The following SPDYE12 variants were observed in gnomAD, a reference collection of about 807,000 sequenced individuals.
The protein encoded by SPDYE12 is speedy/RINGO cell cycle regulator family member E12.
chr7:74,910,526 C>T, the SPDYE12 span, among the ~76,000 whole-genome samples: 1 of 147,110 alleles, frequency 6.8e-6, no homozygotes, highest in African/African-American at 2.5e-5. Flanking sequence ...CCCGTCTCTA[C>T]TAAAAACACA....
At chr7:74,910,966 G>A in the SPDYE12 span, 2 of 972,896 alleles carry the variant, frequency 2.1e-6, no homozygotes, top group East Asian at 2.8e-5. Context: ...GGGCAGTGAG[G>A]AGAAGTGTGC....
chr7:74,914,935 A>C, the SPDYE12 span, among the ~76,000 whole-genome samples: 11 of 94,384 alleles, frequency 1.2e-4, no homozygotes, highest in African/African-American at 3.0e-4. Flanking sequence ...AAAAAAAAAA[A>C]CAAAAAAAAA....
the SPDYE12 span, chr7:74,909,673 A>G: frequency 9.0e-6 from 14 of 1,563,968 alleles, 1 homozygote; most frequent in East Asian, 1.6e-4. Context: ...TTGTGGAGAT[A>G]GTGGAATGGG....
At chr7:74,907,932 A>AT in the SPDYE12 span, among the ~76,000 whole-genome samples, 28 of 149,476 alleles carry the variant, frequency 1.9e-4, no homozygotes, top group Admixed American at 4.0e-4. Flanking sequence ...AAAAAAAAAA[A>AT]GCAATTGAAT....
the SPDYE12 span, among the ~76,000 whole-genome samples, chr7:74,907,732 GATAAATAAATAAATAA>G: frequency 7.6e-6 from 1 of 131,746 alleles, no homozygotes; most frequent in African/African-American, 3.1e-5. Context: ...CTCTTGTCTT[GATAAATAAATAAATAA>G]ATAAATAAAT....
At chr7:74,907,336 T>A in the SPDYE12 span, among the ~76,000 whole-genome samples, 1 of 151,104 alleles carries the variant, frequency 6.6e-6, no homozygotes, top group Admixed American at 6.6e-5. Context: ...GGCTTATGCC[T>A]GGAATCCCAG....
the SPDYE12 span, among the ~76,000 whole-genome samples, chr7:74,908,960 C>T: frequency 1.4e-5 from 2 of 145,056 alleles, no homozygotes; most frequent in Non-Finnish European, 3.0e-5. Context: ...AGATTACAGG[C>T]GTGAGCCACC....
At chr7:74,907,057 G>A in the SPDYE12 span, 176 of 1,558,168 alleles carry the variant, frequency 1.1e-4, 5 homozygotes, top group Non-Finnish European at 1.5e-4. Flanking sequence ...GTTTTGTTTG[G>A]GGGCCTCATC....
chr7:74,909,368 G>A, the SPDYE12 span, among the ~76,000 whole-genome samples: 2 of 151,466 alleles, frequency 1.3e-5, no homozygotes, highest in African/African-American at 4.8e-5. Context: ...TTTCTTTTTA[G>A]AAATAACAGT....
chr7:74,908,608 G>A, the SPDYE12 span, among the ~76,000 whole-genome samples: 766 of 142,628 alleles, frequency 5.4e-3, 9 homozygotes, highest in Middle Eastern at 0.039. Flanking sequence ...CCGCTCCTCC[G>A]CTCCTTTTCT....
the SPDYE12 span, among the ~76,000 whole-genome samples, chr7:74,909,214 C>T: frequency 7.0e-4 from 106 of 150,736 alleles, no homozygotes; most frequent in African/African-American, 2.4e-3. Context: ...CCAACATGCC[C>T]GACTGATTTT....
the SPDYE12 span, among the ~76,000 whole-genome samples, chr7:74,908,279 AGAGAGGGTG>A: frequency 7.9e-6 from 1 of 127,168 alleles, no homozygotes; most frequent in Non-Finnish European, 1.7e-5. Context: ...TAGAGATTGT[AGAGAGGGTG>A]GAATTGGCAC....
the SPDYE12 span, among the ~76,000 whole-genome samples, chr7:74,908,658 G>GTTTTTTTT: frequency 1.5e-5 from 1 of 65,994 alleles, no homozygotes; most frequent in Non-Finnish European, 3.0e-5. Flanking sequence ...TTTGTTTTTT[G>GTTTTTTTT]TTCTTTTTTT....
chr7:74,909,033 G>GTT, the SPDYE12 span, among the ~76,000 whole-genome samples: 7 of 31,984 alleles, frequency 2.2e-4, no homozygotes, highest in Non-Finnish European at 5.4e-4. Context: ...TTTTTGCCTG[G>GTT]TTTTTTTTTT....
chr7:74,911,039 C>A, the SPDYE12 span: 14,950 of 629,258 alleles, frequency 0.024, 794 homozygotes, highest in African/African-American at 0.16. Flanking sequence ...GGGAGAATGA[C>A]TTTCACTGGG....
At chr7:74,908,597 T>G in the SPDYE12 span, among the ~76,000 whole-genome samples, 1 of 143,130 alleles carries the variant, frequency 7.0e-6, no homozygotes, top group African/African-American at 2.6e-5. Flanking sequence ...AAGTGTCATG[T>G]CCGCTCCTCC....
At chr7:74,907,401 C>T in the SPDYE12 span, among the ~76,000 whole-genome samples, 1 of 151,112 alleles carries the variant, frequency 6.6e-6, no homozygotes, top group East Asian at 1.9e-4. Flanking sequence ...TTGAGACAGG[C>T]CTGGGCAACA....
chr7:74,910,752 A>T, the SPDYE12 span: 1 of 1,465,680 alleles, frequency 6.8e-7, no homozygotes, highest in Non-Finnish European at 9.4e-7. Flanking sequence ...GAGGTGGTGG[A>T]GGGAGAACTG....
chr7:74,909,032 GGTTTTTTTTTTTTTTTTTGGC>G, the SPDYE12 span, among the ~76,000 whole-genome samples: 1 of 30,336 alleles, frequency 3.3e-5, no homozygotes, highest in Admixed American at 6.4e-4. Context: ...TTTTTTGCCT[GGTTTTTTTTTTTTTTTTTGGC>G]TTTTTTTTTT....
Sources: gnomAD v4.1 joint callset for allele counts (sites outside exome capture counted in the v4.1 genomes callset) on GRCh38, gnomAD v4.1.1 for gene constraint, MANE v1.5 for transcripts, NCBI Gene and HGNC (gene_info 2026-07-23, HGNC 2026-07-21) for gene names.